ANKH: variants seen among roughly 807,000 people sequenced by gnomAD.
The protein encoded by ANKH is ANKH inorganic pyrophosphate transport regulator.
A neutral mutation model predicts 49.0 loss-of-function variants in ANKH; 15 were observed. The observed-to-expected ratio is 0.31, with a 90% CI of 0.20 to 0.47. ANKH has a LOEUF of 0.47. Among genes scored for constraint, ANKH ranks in the 20% least tolerant of loss-of-function variants. The pLI, the probability that ANKH is intolerant of heterozygous loss-of-function variation, is 1.00. For synonymous variants in ANKH, 273 were observed against 260.0 expected, an observed-to-expected ratio of 1.05 and a Z score of -0.48; for missense variants, 429 against 652.0, an observed-to-expected ratio of 0.66 and a Z score of 3.72.
chr5:14,833,748 AT>A (rs908973696), intron 1 of ANKH, among the ~76,000 whole-genome samples: 6 of 152,232 alleles, frequency 3.9e-5, no homozygotes, highest in African/African-American at 1.4e-4. Context: ...TGCTTATAGT[AT>A]AATGCAAAGC....
At chr5:14,790,327 T>C (rs1740123116) in intron 1 of ANKH, among the ~76,000 whole-genome samples, 1 of 152,206 alleles carries the variant, frequency 6.6e-6, no homozygotes, top group South Asian at 2.1e-4. Flanking sequence ...CCCATATGAA[T>C]GTGTTCTTGG....
At chr5:14,858,189 C>T (rs1735338180) in intron 1 of ANKH, among the ~76,000 whole-genome samples, 1 of 152,040 alleles carries the variant, frequency 6.6e-6, no homozygotes, top group South Asian at 2.1e-4. Flanking sequence ...TTTTTGCTTA[C>T]ATGGTTTGGT....
chr5:14,749,609 C>CCAAGGTAGAGATT (rs1738649534), intron 5 of ANKH, among the ~76,000 whole-genome samples: 3 of 152,312 alleles, frequency 2.0e-5, no homozygotes, highest in African/African-American at 7.2e-5. Context: ...CAAGGTAGAA[C>CCAAGGTAGAGATT]CCACATCTCG....
At chr5:14,834,756 G>C (rs749446292) in intron 1 of ANKH, among the ~76,000 whole-genome samples, 5 of 152,224 alleles carry the variant, frequency 3.3e-5, no homozygotes, top group Non-Finnish European at 7.3e-5. Flanking sequence ...ACTCCAGCCT[G>C]GGTGACAGAA....
rs987589854 is a variant in ANKH, at chr5:14,871,603, C to G, written c.-156G>C. The G allele has an allele frequency of 5.0e-6, 1 of 198,364 alleles. No individual in the cohort carries two copies. Among genetic ancestry groups the G allele is most frequent in the Non-Finnish European group, 9.3e-6 (1 of 107,514 alleles). 12.3% of individuals were successfully genotyped at this position (198,364 alleles called of 1,614,324 possible). On this transcript the variant is annotated 5_prime_UTR_variant, in exon 1 of 12. Coordinates refer to ENST00000284268, the MANE Select transcript of ANKH (RefSeq NM_054027.6). ...GCGCGGCGGCGGCGGCTCCTCCTCG[C>G]GGCTGCGGCGCCTTCTCCGAGCGCG...
chr5:14,814,431 T>A (rs574659532), intron 1 of ANKH, among the ~76,000 whole-genome samples: 1 of 152,218 alleles, frequency 6.6e-6, no homozygotes, highest in South Asian at 2.1e-4. Flanking sequence ...CAAGACCTTG[T>A]CTCTACAGAA....
At chr5:14,741,371 C>T in intron 8 of ANKH, 1 of 205,288 alleles carries the variant, frequency 4.9e-6, no homozygotes, top group Non-Finnish European at 9.9e-6. Flanking sequence ...CCCGCAGGGG[C>T]TCAATGCCTA....
chr5:14,760,495 T>G (rs1739040579), intron 2 of ANKH, among the ~76,000 whole-genome samples: 1 of 152,196 alleles, frequency 6.6e-6, no homozygotes, highest in Non-Finnish European at 1.5e-5. Flanking sequence ...CTACTTTGGG[T>G]GCCGAACTGT....
In ANKH at chr5:14,745,876, G is replaced by A. The variant is rs781731515; in HGVS notation, c.909C>T (p.Phe303=). ...LTEIRAVYPA[F]DKNNPSNKLV... is the part of the protein sequence containing the mutation. ...ACACCGCACGGGTTCTCACCTTGTC[G>A]AAAGCAGGATACACAGCACGGATTT... is the stretch of plus-strand genomic sequence containing the variant. The change falls in exon 7 of 12, where the codon TTC becomes TTT. Residue 303 remains phenylalanine, a synonymous_variant. Coordinates refer to ENST00000284268, the MANE Select transcript of ANKH (RefSeq NM_054027.6). The surrounding 1 kb of genome is among the most constrained non-coding windows in gnomAD (Gnocchi z 4.7). 3.1e-6 allele frequency: 5 copies of A among 1,614,034 alleles called. No homozygotes were observed. The South Asian group carries it at 3.3e-5, about 11-fold the overall frequency.
At chr5:14,866,143 A>G (rs1023293799) in intron 1 of ANKH, among the ~76,000 whole-genome samples, 10 of 152,306 alleles carry the variant, frequency 6.6e-5, no homozygotes, top group African/African-American at 2.4e-4. Flanking sequence ...AGTAGCTGGG[A>G]TTACAGGTGC....
rs1028203141 is a variant in ANKH, at chr5:14,724,373, C to T, written c.1012-7538G>A. ...AAACCCCAAAACATTTTCAAGCAGG[C>T]CTTAACTGTGTGTCGTCATTCTGTG... On this transcript the variant is annotated intron_variant, in intron 8 of 11. Coordinates refer to ENST00000284268, the MANE Select transcript of ANKH (RefSeq NM_054027.6). Among the ~76,000 whole-genome samples the T allele has an allele frequency of 1.3e-5, 2 of 152,128 alleles. 1 individual carries two copies. The highest frequency in any genetic ancestry group is 4.1e-4 in the South Asian group (2 of 4,826).
intron 8 of ANKH, 47 bp from the exon 9 acceptor site, chr5:14,716,882 A>G: frequency 6.2e-7 from 1 of 1,607,780 alleles, no homozygotes; most frequent in Non-Finnish European, 8.5e-7. Flanking sequence ...AAGTGTAAGC[A>G]GGTGAAATGA....
intron 2 of ANKH, among the ~76,000 whole-genome samples, chr5:14,767,511 TATTTTAAAATTGAAAAACTAAAATGAC>T (rs1164244062): frequency 6.6e-6 from 1 of 152,238 alleles, no homozygotes; most frequent in Admixed American, 6.5e-5. Flanking sequence ...TTTATAATTC[TATTTTAAAATTGAAAAACTAAAATGAC>T]ATTGATTTTT....
At chr5:14,766,997 T>C (rs1247785107) in intron 2 of ANKH, among the ~76,000 whole-genome samples, 2 of 152,212 alleles carry the variant, frequency 1.3e-5, no homozygotes, top group Non-Finnish European at 2.9e-5. Flanking sequence ...TTTTCAGCAT[T>C]ACTAGGAAAT....
intron 1 of ANKH, among the ~76,000 whole-genome samples, chr5:14,854,243 C>T (rs1742196150): frequency 6.6e-6 from 1 of 152,174 alleles, no homozygotes; most frequent in South Asian, 2.1e-4. Flanking sequence ...AGATCCAACA[C>T]TAAGTATTCA....
At chr5:14,841,304 G>GT (rs35405736) in intron 1 of ANKH, among the ~76,000 whole-genome samples, 15,780 of 144,550 alleles carry the variant, frequency 0.11, 1,298 homozygotes, top group East Asian at 0.45. Flanking sequence ...CATTTATTTT[G>GT]TTTTTTTTTT....
intron 1 of ANKH, among the ~76,000 whole-genome samples, chr5:14,864,946 A>T (rs1351399356): frequency 6.6e-6 from 1 of 152,070 alleles, no homozygotes; most frequent in Non-Finnish European, 1.5e-5. Flanking sequence ...ATACACATAT[A>T]TTTCCTCAAT....
At chr5:14,758,372 C>T in intron 3 of ANKH, 108 bp downstream of exon 3, 1 of 819,740 alleles carries the variant, frequency 1.2e-6, no homozygotes, top group Non-Finnish European at 2.1e-6. Context: ...GTACTTCCTG[C>T]CATTAAGCTG....
At chr5:14,763,960 G>A (rs536456288) in intron 2 of ANKH, among the ~76,000 whole-genome samples, 29 of 152,150 alleles carry the variant, frequency 1.9e-4, no homozygotes, top group African/African-American at 6.5e-4. Flanking sequence ...GAGGTGGCAG[G>A]TGCCTGTAAT....
Sources: allele counts gnomAD v4.1 joint callset (sites outside exome capture counted in the v4.1 genomes callset), GRCh38; gene constraint gnomAD v4.1.1; non-coding constraint Gnocchi (gnomAD v3.1); transcripts MANE v1.5; gene names NCBI Gene and HGNC (gene_info 2026-07-23, HGNC 2026-07-21).